ARAP2: variants seen among roughly 807,000 people sequenced by gnomAD.
ARAP2 encodes the protein arf-GAP with Rho-GAP domain, ANK repeat and PH domain-containing protein 2.
Under a neutral mutation model 194.5 loss-of-function variants are expected in ARAP2, and 148 were observed. The observed-to-expected ratio is 0.76, with a 90% CI of 0.67 to 0.87. The LOEUF (loss-of-function observed/expected upper bound fraction) is 0.87. Among genes scored for constraint, ARAP2 ranks in the 40% least tolerant of loss-of-function variants. The pLI is 0.00. For synonymous variants in ARAP2, 695 were observed against 683.5 expected, an observed-to-expected ratio of 1.02 and a Z score of -0.26; for missense variants, 2,128 against 1,989.7, an observed-to-expected ratio of 1.07 and a Z score of -1.32.
chr4:36,213,757 G>T (rs1032433999), intron 3 of ARAP2, among the ~76,000 whole-genome samples: 1 of 151,994 alleles, frequency 6.6e-6, no homozygotes, highest in Non-Finnish European at 1.5e-5. Flanking sequence ...TAACATAATA[G>T]CTAGATATCA....
At chr4:36,243,919 TC>T (rs1263097878) in intron 1 of ARAP2, 1 of 152,206 alleles carries the variant, frequency 6.6e-6, no homozygotes, top group Non-Finnish European at 1.5e-5. Flanking sequence ...GGAGGGAGTG[TC>T]CAGCTGTCTA....
At chr4:36,162,336 T>C (rs1734290942) in intron 11 of ARAP2, among the ~76,000 whole-genome samples, 2 of 152,182 alleles carry the variant, frequency 1.3e-5, no homozygotes, top group South Asian at 4.1e-4. Flanking sequence ...ACATGTCTAA[T>C]AAGTGTGTAC....
intron 5 of ARAP2, among the ~76,000 whole-genome samples, chr4:36,029,175 G>A (rs946426460): frequency 6.6e-6 from 1 of 151,772 alleles, no homozygotes; most frequent in Non-Finnish European, 1.5e-5. Flanking sequence ...TTCTTTGTTA[G>A]CCTATCTTGG....
At chr4:36,145,979 C>A (rs987466919) in intron 19 of ARAP2, among the ~76,000 whole-genome samples, 2 of 151,986 alleles carry the variant, frequency 1.3e-5, no homozygotes, top group Non-Finnish European at 2.9e-5. Context: ...TCCACTTTGC[C>A]ACCAAAGAGA....
chr4:36,027,215 A>G (rs1718064843), intron 5 of ARAP2, among the ~76,000 whole-genome samples: 1 of 152,098 alleles, frequency 6.6e-6, no homozygotes, highest in Admixed American at 6.6e-5. Flanking sequence ...TCTATGAGGT[A>G]GGTACCATAT....
chr4:36,042,257 C>T lies in ARAP2; in HGVS notation n.607+3722G>A, dbSNP rs61795348. Among the ~76,000 whole-genome samples, 1,400 of 152,182 alleles carry T rather than the reference C, an allele frequency of 9.2e-3. 12 individuals carry two copies. Among genetic ancestry groups the T allele is most frequent in the Non-Finnish European group, 0.014 (945 of 67,984 alleles). ...ATATGAAAATAAAACATTTGCAATCCTATTTCACATGCACATTAATTATGT... is the reference window on the plus strand; with the variant it reads ...ATATGAAAATAAAACATTTGCAATCTTATTTCACATGCACATTAATTATGT... On this transcript the variant is annotated intron_variant and non_coding_transcript_variant, in intron 5 of 12. Transcript: ENST00000503225.
intron 19 of ARAP2, among the ~76,000 whole-genome samples, chr4:36,134,327 C>T (rs566146542): frequency 1.3e-5 from 2 of 151,708 alleles, no homozygotes; most frequent in Non-Finnish European, 2.9e-5. Context: ...CCACGTACCC[C>T]ACGAGAAATT....
intron 6 of ARAP2, among the ~76,000 whole-genome samples, chr4:36,204,250 A>G (rs1745056871): frequency 6.6e-6 from 1 of 152,210 alleles, no homozygotes; most frequent in African/African-American, 2.4e-5. Context: ...CAAAAATGAG[A>G]TTTCTCAATA....
intron 5 of ARAP2, among the ~76,000 whole-genome samples, chr4:36,042,025 G>C (rs1323994056): frequency 1.3e-5 from 2 of 152,108 alleles, no homozygotes; most frequent in Non-Finnish European, 2.9e-5. Flanking sequence ...TCTACTTGAG[G>C]GGAGAGGGTG....
intron 3 of ARAP2, among the ~76,000 whole-genome samples, chr4:36,213,845 A>G (rs1268655297): frequency 6.6e-6 from 1 of 152,120 alleles, no homozygotes; most frequent in Non-Finnish European, 1.5e-5. Context: ...AATTATTTCA[A>G]GAGAAGTTCC....
intron 22 of ARAP2, among the ~76,000 whole-genome samples, chr4:36,121,672 G>T (rs1358743649): frequency 6.6e-6 from 1 of 151,616 alleles, no homozygotes; most frequent in Non-Finnish European, 1.5e-5. Flanking sequence ...GACTTGTGGG[G>T]CTGCAGCATA....
At chr4:36,184,292 TATAC>T (rs201339878) in intron 8 of ARAP2, among the ~76,000 whole-genome samples, 1 of 151,450 alleles carries the variant, frequency 6.6e-6, no homozygotes, top group African/African-American at 2.4e-5. Context: ...TATATATATA[TATAC>T]GTACACACAC....
At chr4:36,222,778 T>G (rs1275983411) in intron 2 of ARAP2, among the ~76,000 whole-genome samples, 6 of 152,246 alleles carry the variant, frequency 3.9e-5, no homozygotes, top group African/African-American at 1.4e-4. Flanking sequence ...TTGCATACTC[T>G]TATGTATGTT....
At chr4:36,111,192 T>A (rs1719900037) in intron 26 of ARAP2, among the ~76,000 whole-genome samples, 2 of 151,966 alleles carry the variant, frequency 1.3e-5, no homozygotes, top group South Asian at 4.1e-4. Flanking sequence ...AGGATTTATG[T>A]TTACATTAGC....
intron 20 of ARAP2, 32 bp downstream of exon 20, chr4:36,133,194 T>G (rs1725835677): frequency 6.2e-7 from 1 of 1,605,784 alleles, no homozygotes; most frequent in Admixed American, 1.7e-5. Context: ...CAATCAGTTC[T>G]AAGGGTTGAA....
intron 31 of ARAP2, among the ~76,000 whole-genome samples, chr4:36,075,247 T>C (rs1304570348): frequency 6.6e-6 from 1 of 152,116 alleles, no homozygotes; most frequent in East Asian, 1.9e-4. Context: ...TAAGAGCAAA[T>C]GCGGTTCCCA....
chr4:36,073,761 G>C lies in ARAP2; in HGVS notation c.4671C>G (p.Pro1557=). 1 of 1,613,218 alleles carries C rather than the reference G, an allele frequency of 6.2e-7. No homozygotes were observed. Among genetic ancestry groups the C allele is most frequent in the Admixed American group, 1.7e-5 (1 of 59,966 alleles). The stretch of plus-strand genomic sequence containing the variant: ...GAATCAGAGGCAAACCTCCAATTTT[G>C]GGATTTTTGGTTATTGAACGTTTTC... The part of the protein sequence containing the change: ...KERKRSITKN[P]KIGGLPLIPI... The change falls in exon 32 of 33, where the codon CCC becomes CCG. Residue 1557 remains proline (P), a synonymous_variant. Transcript: ENST00000303965.
At chr4:36,137,226 T>C (rs1413471066) in intron 19 of ARAP2, among the ~76,000 whole-genome samples, 1 of 151,908 alleles carries the variant, frequency 6.6e-6, no homozygotes, top group East Asian at 1.9e-4. Flanking sequence ...AATATATTTC[T>C]GTTCCTCTCT....
chr4:36,218,023 A>C (rs1280471104), intron 2 of ARAP2, among the ~76,000 whole-genome samples: 3 of 151,982 alleles, frequency 2.0e-5, no homozygotes, highest in Admixed American at 6.6e-5. Context: ...AATAATGACA[A>C]ATTTTTAAAG....
Sources: allele counts gnomAD v4.1 joint callset (sites outside exome capture counted in the v4.1 genomes callset), GRCh38; gene constraint gnomAD v4.1.1; transcripts MANE v1.5; gene names NCBI Gene and HGNC (gene_info 2026-07-23, HGNC 2026-07-21).